Variants in TAFA5 observed in about 807,000 individuals in gnomAD.
TAFA5 encodes TAFA chemokine like family member 5.
A neutral mutation model predicts 15.3 loss-of-function variants in TAFA5; 6 were observed. The observed-to-expected ratio is 0.39, with a 90% CI of 0.21 to 0.77. The LOEUF (loss-of-function observed/expected upper bound fraction) is 0.77, where lower values mean the gene tolerates loss of function less well. Ranked by LOEUF, TAFA5 falls within the 30% of genes least tolerant of loss-of-function variation. The pLI is 0.41. For missense variants in TAFA5, 161 were observed against 193.1 expected (o/e 0.83, Z 0.98); for synonymous variants, 103 against 80.7 (o/e 1.28, Z -1.48).
At position 48,598,771 on chromosome 22, in the gene TAFA5, C is replaced by T. The variant is rs28373385; in HGVS notation, c.113-47826C>T. Among the ~76,000 whole-genome samples, 20,429 of 152,132 alleles carry T rather than the reference C, an allele frequency of 0.13. 1,714 individuals are homozygous for T. The highest frequency in any genetic ancestry group is 0.23 in the East Asian group (1,190 of 5,152). ...AGACCCCACCGAGGAAGGGCTCGGT[C>T]CCACAAGACTGCTCCCCCTTCAGAT... On this transcript the variant is annotated intron_variant, in intron 1 of 3. Transcript: ENST00000402357. This position sits in a 1 kb window ranked among gnomAD's most constrained non-coding sequence, Gnocchi z 4.0.
chr22:48,706,496 T>C (rs1929083345), intron 2 of TAFA5, among the ~76,000 whole-genome samples: 1 of 152,224 alleles, frequency 6.6e-6, no homozygotes, highest in Non-Finnish European at 1.5e-5. Context: ...TGGGGATATG[T>C]GACTTCATCC....
chr22:48,706,955 G>A (rs1212237500), intron 2 of TAFA5, among the ~76,000 whole-genome samples: 1 of 152,218 alleles, frequency 6.6e-6, no homozygotes, highest in African/African-American at 2.4e-5. Context: ...AGGGAAGAGA[G>A]AAAATGCAAT....
At chr22:48,701,698 G>C (rs546421041) in intron 2 of TAFA5, among the ~76,000 whole-genome samples, 9 of 152,162 alleles carry the variant, frequency 5.9e-5, no homozygotes, top group African/African-American at 2.2e-4. Flanking sequence ...GCCAGGCCCC[G>C]CCCACATCTC....
intron 1 of TAFA5, among the ~76,000 whole-genome samples, chr22:48,602,949 G>A (rs1417469184): frequency 1.3e-5 from 2 of 152,170 alleles, no homozygotes; most frequent in African/African-American, 4.8e-5. Flanking sequence ...GCCCAGACAG[G>A]GACCCCGCAT....
chr22:48,646,382 G>A (rs1038156363), intron 1 of TAFA5, among the ~76,000 whole-genome samples: 2 of 152,230 alleles, frequency 1.3e-5, no homozygotes, highest in Non-Finnish European at 2.9e-5. Context: ...TGCACACAGG[G>A]TGGAGTTCGC....
At chr22:48,629,064 C>G (rs191590852) in intron 1 of TAFA5, among the ~76,000 whole-genome samples, 2 of 152,300 alleles carry the variant, frequency 1.3e-5, no homozygotes, top group East Asian at 3.9e-4. Context: ...CTGGCCCCTC[C>G]GCAGGCCCTG....
rs1457903771 is a variant in TAFA5 at position 48,598,917 on chromosome 22, G to A, written c.113-47680G>A. Among the ~76,000 whole-genome samples the A allele has an allele frequency of 6.6e-6, 1 of 152,114 alleles. No homozygotes were observed. The highest frequency in any genetic ancestry group is 1.5e-5 in the Non-Finnish European group (1 of 68,038). The stretch of plus-strand genomic sequence containing the variant: ...CTGGCATTCCGTCATTTGCGAGAAT[G>A]GCCCACAATCCTCAGGAAGCCCTTT... On this transcript the variant is annotated intron_variant, in intron 1 of 3. Coordinates refer to ENST00000402357, the MANE Select transcript of TAFA5 (RefSeq NM_001082967.3). The surrounding 1 kb of genome is among the most constrained non-coding windows in gnomAD (Gnocchi z 4.0).
At chr22:48,728,170 C>T (rs1317473053) in intron 3 of TAFA5, among the ~76,000 whole-genome samples, 6 of 152,096 alleles carry the variant, frequency 3.9e-5, no homozygotes, top group Admixed American at 2.6e-4. Context: ...ACAAAAAGAG[C>T]CATAAACCAA....
At chr22:48,565,102 T>C (rs549211970) in intron 1 of TAFA5, among the ~76,000 whole-genome samples, 14 of 152,320 alleles carry the variant, frequency 9.2e-5, no homozygotes, top group African/African-American at 3.1e-4. Flanking sequence ...GGAGCTTCCC[T>C]GGAGGAGACT....
intron 1 of TAFA5, among the ~76,000 whole-genome samples, chr22:48,574,404 G>A (rs1923689652): frequency 1.3e-5 from 2 of 152,184 alleles, no homozygotes; most frequent in South Asian, 4.1e-4. Flanking sequence ...AAGCTTAGTG[G>A]CTGGTCCTGA....
At chr22:48,724,023 G>C (rs1275300704) in intron 3 of TAFA5, among the ~76,000 whole-genome samples, 1 of 152,240 alleles carries the variant, frequency 6.6e-6, no homozygotes, top group African/African-American at 2.4e-5. Flanking sequence ...CTGTGCAACA[G>C]GAAAGACTCG....
At chr22:48,576,635 G>GCCCGACCCGGCTTCCAGCA in intron 1 of TAFA5, 3 of 1,291,024 alleles carry the variant, frequency 2.3e-6, no homozygotes, top group Non-Finnish European at 3.0e-6. Context: ...CGGCTCCGGC[G>GCCCGACCCGGCTTCCAGCA]CCCGACCCGG....
rs531911146 is a variant in TAFA5, at chr22:48,528,135, T to A, written c.112+38431T>A. Among the ~76,000 whole-genome samples the A allele has an allele frequency of 1.4e-3, 208 of 152,192 alleles. 1 individual carries two copies. Among genetic ancestry groups the A allele is most frequent in the African/African-American group, 4.9e-3 (202 of 41,514 alleles). Reference sequence around the variant, plus strand: ...AGGCCCCGCGATGGCTCTGATGGCGTCGATGATGCTGATTCTCAGTTAAGG... The same window carrying A: ...AGGCCCCGCGATGGCTCTGATGGCGACGATGATGCTGATTCTCAGTTAAGG... On this transcript the variant is annotated intron_variant, in intron 1 of 3. Transcript: ENST00000402357.
chr22:48,633,915 G>A (rs1007957675), intron 1 of TAFA5, among the ~76,000 whole-genome samples: 8 of 152,140 alleles, frequency 5.3e-5, no homozygotes, highest in South Asian at 4.1e-4. Context: ...TCTCACAATC[G>A]TGGGTGAGAA....
At chr22:48,720,348 G>A (rs185128582) in intron 3 of TAFA5, among the ~76,000 whole-genome samples, 17 of 152,224 alleles carry the variant, frequency 1.1e-4, no homozygotes, top group South Asian at 1.0e-3. Flanking sequence ...CCAAGTCAGA[G>A]ACTGGAATGC....
At chr22:48,601,920 C>T (rs1924988093) in intron 1 of TAFA5, among the ~76,000 whole-genome samples, 2 of 152,204 alleles carry the variant, frequency 1.3e-5, no homozygotes, top group South Asian at 4.2e-4. Flanking sequence ...CTGTCCAGTG[C>T]AGGCTTTGAT....
At chr22:48,515,999 C>T (rs1012270355) in intron 1 of TAFA5, among the ~76,000 whole-genome samples, 2 of 152,070 alleles carry the variant, frequency 1.3e-5, no homozygotes, top group African/African-American at 4.8e-5. Context: ...CCACCCCAGC[C>T]TCACTCCCTG....
At chr22:48,524,947 G>A (rs996879743) in intron 1 of TAFA5, among the ~76,000 whole-genome samples, 6 of 152,098 alleles carry the variant, frequency 3.9e-5, no homozygotes, top group Admixed American at 2.6e-4. Context: ...CCAGGTGTAT[G>A]TGCCTGGCCC....
intron 1 of TAFA5, among the ~76,000 whole-genome samples, chr22:48,537,991 C>T (rs1027805876): frequency 6.6e-6 from 1 of 152,228 alleles, no homozygotes; most frequent in East Asian, 1.9e-4. Context: ...GTGCACGGAC[C>T]TCTCTGTCAC....
Sources: allele counts gnomAD v4.1 joint callset (sites outside exome capture counted in the v4.1 genomes callset), GRCh38; gene constraint gnomAD v4.1.1; non-coding constraint Gnocchi (gnomAD v3.1); transcripts MANE v1.5; gene names NCBI Gene and HGNC (gene_info 2026-07-23, HGNC 2026-07-21).